MCTP2: variants seen among roughly 807,000 people sequenced by gnomAD.
MCTP2 encodes the protein multiple C2 and transmembrane domain containing 2.
MCTP2 carries 132 observed loss-of-function variants against 111.6 expected under a neutral mutation model. The ratio of observed to expected loss-of-function variants is 1.18; its 90% CI spans 1.03 to 1.37. MCTP2 has a LOEUF of 1.37. Among genes scored for constraint, MCTP2 ranks in the 40% most tolerant of loss-of-function variants. The pLI, the probability that MCTP2 is intolerant of heterozygous loss-of-function variation, is 0.00. For synonymous variants in MCTP2, 395 were observed against 387.7 expected (o/e 1.02, Z -0.22); for missense variants, 1,183 against 1,067.9 (o/e 1.11, Z -1.50).
intron 1 of MCTP2, among the ~76,000 whole-genome samples, chr15:94,287,437 A>G (rs1334700033): frequency 6.6e-6 from 1 of 152,128 alleles, no homozygotes; most frequent in Non-Finnish European, 1.5e-5. Context: ...TATTAGCTTT[A>G]TACACCTTAA....
chr15:94,432,162 G>A (rs1457356946), intron 17 of MCTP2, among the ~76,000 whole-genome samples: 1 of 152,168 alleles, frequency 6.6e-6, no homozygotes, highest in Non-Finnish European at 1.5e-5. Flanking sequence ...TAACCCAGGA[G>A]TTTAGTAAGG....
At chr15:94,396,414 ATAAT>A (rs932928753) in intron 14 of MCTP2, among the ~76,000 whole-genome samples, 3 of 152,142 alleles carry the variant, frequency 2.0e-5, no homozygotes, top group Admixed American at 6.5e-5. Context: ...TTAAATATAA[ATAAT>A]AAATTTTGTT....
intron 9 of MCTP2, among the ~76,000 whole-genome samples, chr15:94,357,463 T>C (rs1324056724): frequency 6.6e-6 from 1 of 152,162 alleles, no homozygotes; most frequent in Non-Finnish European, 1.5e-5. Flanking sequence ...TGGACTAAGG[T>C]GAAGTGTAGA....
chr15:94,273,346 T>G (rs1467366378), intron 1 of MCTP2: 1 of 152,268 alleles, frequency 6.6e-6, no homozygotes, highest in Non-Finnish European at 1.5e-5. Flanking sequence ...ATTTGCTTTC[T>G]GACTTAATCC....
chr15:94,335,337 T>G lies in MCTP2; in HGVS notation c.638-3953T>G, dbSNP rs186615350. On this transcript the variant is annotated intron_variant, in intron 4 of 22. Coordinates refer to ENST00000357742, the MANE Select transcript of MCTP2 (RefSeq NM_001385001.1). The stretch of plus-strand genomic sequence containing the variant: ...TGGAAGAAAACATAGCTGAATTAAT[T>G]TAAAATTTTGTACGACATTGCTTCT... 1.8e-4 allele frequency among the ~76,000 whole-genome samples: 27 copies of G among 152,334 alleles called. No individual in the cohort carries two copies. In the East Asian group the frequency reaches 5.0e-3, roughly 28 times the overall value.
At chr15:94,450,272 C>G (rs912995948) in intron 19 of MCTP2, among the ~76,000 whole-genome samples, 4 of 152,204 alleles carry the variant, frequency 2.6e-5, no homozygotes, top group Non-Finnish European at 4.4e-5. Flanking sequence ...AAGAAGTACA[C>G]TCCAGAAAGA....
chr15:94,464,257 T>TATTATATATATATATATA (rs4001978), intron 20 of MCTP2, among the ~76,000 whole-genome samples: 1 of 44,968 alleles, frequency 2.2e-5, no homozygotes, highest in African/African-American at 6.0e-5. Flanking sequence ...TATATATATA[T>TATTATATATATATATATA]TATATATATA....
At chr15:94,267,544 G>A (rs1255011818) in intron 1 of MCTP2, among the ~76,000 whole-genome samples, 1 of 152,042 alleles carries the variant, frequency 6.6e-6, no homozygotes, top group East Asian at 1.9e-4. Flanking sequence ...GTCTTGGTGT[G>A]GAGATCTCTT....
chr15:94,450,969 G>A (rs545050207), intron 19 of MCTP2, among the ~76,000 whole-genome samples: 7 of 152,286 alleles, frequency 4.6e-5, no homozygotes, highest in South Asian at 4.1e-4. Context: ...CCTGAGGCTC[G>A]AAGCTAGTTT....
chr15:94,346,136 G>C (rs2077968701), intron 8 of MCTP2, among the ~76,000 whole-genome samples: 1 of 152,110 alleles, frequency 6.6e-6, no homozygotes, highest in Non-Finnish European at 1.5e-5. Context: ...GAGACCGAGA[G>C]AGCGAAAGAG....
intron 17 of MCTP2, among the ~76,000 whole-genome samples, chr15:94,417,391 C>T (rs2082422979): frequency 6.6e-6 from 1 of 152,104 alleles, no homozygotes; most frequent in Non-Finnish European, 1.5e-5. Flanking sequence ...AGAGCACCTT[C>T]ATTTACAGGA....
In MCTP2 at chr15:94,483,501, C is replaced by T. The variant is rs921168097; in HGVS notation, c.*4467C>T. ...GGATAAAGAAAATGTGGTAGAGGTACACCATGGAATACTATGCAGCCATAA... is the reference window on the plus strand; with the variant it reads ...GGATAAAGAAAATGTGGTAGAGGTATACCATGGAATACTATGCAGCCATAA... On this transcript the variant is annotated 3_prime_UTR_variant, in exon 23 of 23. Transcript: ENST00000357742. 1 of 152,172 alleles carries T rather than the reference C, an allele frequency of 6.6e-6. No individual in the cohort carries two copies. Among genetic ancestry groups the T allele is most frequent in the African/African-American group, 2.4e-5 (1 of 41,436 alleles). 9.4% of individuals were successfully genotyped at this position (152,172 alleles called of 1,614,324 possible). A position where few individuals can be genotyped will look rare whatever the true frequency, so the allele number is the denominator to read the frequency against.
chr15:94,243,350 C>T lies in MCTP2; in HGVS notation c.-66+11686C>T, dbSNP rs867359675. On this transcript the variant is annotated intron_variant, in intron 1 of 22. Coordinates refer to ENST00000357742, the MANE Select transcript of MCTP2 (RefSeq NM_001385001.1). ...GTATGCGTATATGCGTATGTACATA[C>T]ATACGTATGCGTATATGCGTATGTA... Among the ~76,000 whole-genome samples, 5 of 148,500 alleles carry T rather than the reference C, an allele frequency of 3.4e-5. 1 individual carries two copies. The highest frequency in any genetic ancestry group is 2.1e-4 in the South Asian group (1 of 4,740).
At chr15:94,403,622 T>C (rs1463261056) in intron 17 of MCTP2, among the ~76,000 whole-genome samples, 1 of 152,128 alleles carries the variant, frequency 6.6e-6, no homozygotes, top group East Asian at 1.9e-4. Flanking sequence ...TGAAGAAAGA[T>C]TAGAACAGAT....
chr15:94,476,633 TAG>T, intron 21 of MCTP2, 61 bp from the exon 22 acceptor site: 1 of 842,866 alleles, frequency 1.2e-6, no homozygotes. Flanking sequence ...GATAGATAGA[TAG>T]ATAGATAGAT....
intron 4 of MCTP2, among the ~76,000 whole-genome samples, chr15:94,320,607 G>C (rs1352665032): frequency 6.6e-6 from 1 of 152,134 alleles, no homozygotes; most frequent in Admixed American, 6.5e-5. Context: ...AGAATGAACA[G>C]TATTTAGTCA....
chr15:94,444,256 G>T (rs1370214822), intron 19 of MCTP2, among the ~76,000 whole-genome samples: 1 of 152,252 alleles, frequency 6.6e-6, no homozygotes, highest in African/African-American at 2.4e-5. Context: ...GGGAATGGGT[G>T]TGGAACTTCC....
rs1004358676 is a variant in MCTP2 at position 94,439,223 on chromosome 15, G to A, written c.2086-953G>A. Among the ~76,000 whole-genome samples the A allele has an allele frequency of 4.6e-5, 7 of 151,752 alleles. No homozygotes were observed. In the Admixed American group the frequency reaches 4.6e-4, roughly 10 times the overall value. ...ACAAAGAGAAAATTTTTAAATGTTA[G>A]AAAAAGTTTTTAGCAATGAAACAGT... is the stretch of plus-strand genomic sequence containing the variant. On this transcript the variant is annotated intron_variant, in intron 17 of 22. Coordinates refer to ENST00000357742, the MANE Select transcript of MCTP2 (RefSeq NM_001385001.1).
chr15:94,464,257 T>TATATATTATATATATATATATATATTA (rs4001978), intron 20 of MCTP2, among the ~76,000 whole-genome samples: 7 of 44,948 alleles, frequency 1.6e-4, no homozygotes, highest in Admixed American at 5.1e-4. Context: ...TATATATATA[T>TATATATTATATATATATATATATATTA]TATATATATA....
Sources: allele counts gnomAD v4.1 joint callset (sites outside exome capture counted in the v4.1 genomes callset), GRCh38; gene constraint gnomAD v4.1.1; transcripts MANE v1.5; gene names NCBI Gene and HGNC (gene_info 2026-07-23, HGNC 2026-07-21).